The following SRGAP1 variants were observed in gnomAD, a reference collection of about 807,000 sequenced individuals.
The protein encoded by SRGAP1 is SLIT-ROBO Rho GTPase-activating protein 1.
In SRGAP1, 43 loss-of-function variants were observed where a neutral mutation model predicts 121.9. The ratio of observed to expected loss-of-function variants is 0.35; its 90% CI spans 0.28 to 0.46. SRGAP1 has a LOEUF of 0.46. SRGAP1 is among the 20% of genes least tolerant of loss of function. The pLI, the probability that SRGAP1 is intolerant of heterozygous loss-of-function variation, is 1.00. For missense variants in SRGAP1, 1,102 were observed against 1,350.9 expected (o/e 0.82, Z 2.89); for synonymous variants, 447 against 485.4 (o/e 0.92, Z 1.04).
chr12:63,908,805 G>A (rs913367229), intron 1 of SRGAP1, among the ~76,000 whole-genome samples: 6 of 152,112 alleles, frequency 3.9e-5, no homozygotes, highest in African/African-American at 1.2e-4. Flanking sequence ...TTAGCATATA[G>A]AAATAGAGTC....
At chr12:63,947,963 A>G (rs2032102564) in intron 1 of SRGAP1, among the ~76,000 whole-genome samples, 2 of 152,134 alleles carry the variant, frequency 1.3e-5, no homozygotes, top group East Asian at 1.9e-4. Context: ...GTTTCCTTCT[A>G]TTCTTGCTTT....
At chr12:64,020,883 C>T (rs1387465769) in intron 4 of SRGAP1, among the ~76,000 whole-genome samples, 1 of 147,492 alleles carries the variant, frequency 6.8e-6, no homozygotes, top group Non-Finnish European at 1.5e-5. Flanking sequence ...ATGATTACTT[C>T]AGCCTTGAAC....
At chr12:64,065,048 A>G in intron 7 of SRGAP1, 70 bp from the exon 8 acceptor site, 2 of 1,131,144 alleles carry the variant, frequency 1.8e-6, no homozygotes, top group Non-Finnish European at 2.6e-6. Flanking sequence ...CATCATTTAA[A>G]TAACAGAGCC....
At chr12:63,845,797 A>G (rs1033148304) in intron 1 of SRGAP1, among the ~76,000 whole-genome samples, 5 of 152,084 alleles carry the variant, frequency 3.3e-5, no homozygotes, top group East Asian at 1.9e-4. Context: ...GAGACAATGG[A>G]TGGAATGTTG....
At position 63,952,866 on chromosome 12, in the gene SRGAP1, G is replaced by T. The variant is rs182579686; in HGVS notation, c.68-31081G>T. Among the ~76,000 whole-genome samples the T allele has an allele frequency of 3.3e-4, 50 of 151,912 alleles. 1 individual carries two copies. The highest frequency in any genetic ancestry group is 1.8e-3 in the Admixed American group (28 of 15,268). ...TCACTATGTTGCCCAGGCTGTTTTC[G>T]AACTCCTGGCCTCAAGCAATCCTCC... On this transcript the variant is annotated intron_variant, in intron 1 of 21. Coordinates refer to ENST00000355086, the MANE Select transcript of SRGAP1 (RefSeq NM_020762.4).
chr12:64,138,446 C>CTTTTTTTT (rs60769104), intron 21 of SRGAP1, among the ~76,000 whole-genome samples: 7 of 78,678 alleles, frequency 8.9e-5, no homozygotes, highest in African/African-American at 2.8e-4. Flanking sequence ...AATAAATTGA[C>CTTTTTTTT]TTTTTTTTTT....
At chr12:64,098,764 A>T (rs2036210245) in intron 15 of SRGAP1, among the ~76,000 whole-genome samples, 1 of 152,220 alleles carries the variant, frequency 6.6e-6, no homozygotes, top group South Asian at 2.1e-4. Context: ...ACTGCTGCAC[A>T]GCCCTCTCCT....
At chr12:64,042,717 G>A (rs764721090) in intron 4 of SRGAP1, 73 bp from the exon 5 acceptor site, 9 of 1,216,800 alleles carry the variant, frequency 7.4e-6, no homozygotes, top group African/African-American at 3.0e-5. Context: ...CATATACGTC[G>A]TATAAATGGT....
At chr12:64,089,475 C>T (rs536756485) in intron 11 of SRGAP1, among the ~76,000 whole-genome samples, 7 of 152,184 alleles carry the variant, frequency 4.6e-5, no homozygotes, top group Non-Finnish European at 1.0e-4. Context: ...GTCTCCTGAA[C>T]GTTGGCCTCC....
chr12:63,915,847 C>T (rs930749569), intron 1 of SRGAP1, among the ~76,000 whole-genome samples: 1 of 152,116 alleles, frequency 6.6e-6, no homozygotes, highest in Admixed American at 6.5e-5. Context: ...TTTGAGCAGC[C>T]TTTCACTAAC....
intron 21 of SRGAP1, among the ~76,000 whole-genome samples, chr12:64,142,028 G>A (rs1451104027): frequency 6.6e-6 from 1 of 152,176 alleles, no homozygotes; most frequent in Non-Finnish European, 1.5e-5. Flanking sequence ...ATGCAAGGCA[G>A]AGACCATTAG....
rs540724050 is a variant in SRGAP1, at chr12:63,982,056, A to G, written c.68-1891A>G. Among the ~76,000 whole-genome samples, 3 of 152,180 alleles carry G rather than the reference A, an allele frequency of 2.0e-5. No individual in the cohort carries two copies. In the South Asian group the frequency reaches 6.2e-4, roughly 32 times the overall value. ...GTGAAACCCCGTCTCTACTAAAAAT[A>G]TAAAAAATTAGCCAGGCATGGTGGC... On this transcript the variant is annotated intron_variant, in intron 1 of 21. Transcript: ENST00000355086.
At chr12:64,044,898 T>C (rs995030954) in intron 6 of SRGAP1, among the ~76,000 whole-genome samples, 4 of 152,096 alleles carry the variant, frequency 2.6e-5, no homozygotes, top group Admixed American at 1.3e-4. Context: ...CAGGCCAATG[T>C]TGAACTCCTA....
chr12:64,042,117 G>A (rs916409860), intron 4 of SRGAP1, among the ~76,000 whole-genome samples: 8 of 151,822 alleles, frequency 5.3e-5, no homozygotes, highest in African/African-American at 1.2e-4. Context: ...GGCTAGTCTC[G>A]AATTCCTGAC....
intron 1 of SRGAP1, among the ~76,000 whole-genome samples, chr12:63,852,954 T>C (rs1899122685): frequency 6.6e-6 from 1 of 151,862 alleles, no homozygotes; most frequent in Non-Finnish European, 1.5e-5. Flanking sequence ...AATAATTCCT[T>C]TATACTGCAA....
chr12:64,101,308 G>GGT (rs59020353), intron 15 of SRGAP1, among the ~76,000 whole-genome samples: 26,043 of 137,842 alleles, frequency 0.19, 2,665 homozygotes, highest in East Asian at 0.37. Context: ...TGGGGAAAGG[G>GGT]GTGTGTGTGT....
chr12:64,141,057 G>T (rs2036949694), intron 21 of SRGAP1, among the ~76,000 whole-genome samples: 2 of 135,968 alleles, frequency 1.5e-5, no homozygotes, highest in Non-Finnish European at 3.1e-5. Flanking sequence ...TCACTCATAG[G>T]TGGGAATTGA....
Position 63,844,946 on chromosome 12 carries a change from T to C in SRGAP1, c.67+63T>C, listed in dbSNP as rs73124639. On this transcript the variant is annotated intron_variant, in intron 1 of 21. Transcript: ENST00000355086. The surrounding 1 kb of genome is among the most constrained non-coding windows in gnomAD (Gnocchi z 4.3). ...CCTTCTTGTCATTGTGCTCGTGGAG[T>C]TGCGTATCTAACTTGGTGTCTGCGT... is the stretch of plus-strand genomic sequence containing the variant. 62,387 of 1,511,238 alleles carry C rather than the reference T, an allele frequency of 0.041. 1,583 individuals carry two copies. The highest frequency in any genetic ancestry group is 0.044 in the Non-Finnish European group (48,167 of 1,086,604). 93.6% of individuals were successfully genotyped at this position (1,511,238 alleles called of 1,614,324 possible).
At chr12:63,997,402 G>A (rs143375464) in intron 3 of SRGAP1, among the ~76,000 whole-genome samples, 2 of 152,138 alleles carry the variant, frequency 1.3e-5, no homozygotes, top group African/African-American at 4.8e-5. Context: ...GCATTCCTTA[G>A]AATATGTCTC....
Sources: gnomAD v4.1 joint callset for allele counts (sites outside exome capture counted in the v4.1 genomes callset) on GRCh38, gnomAD v4.1.1 for gene constraint, Gnocchi (gnomAD v3.1) non-coding constraint, MANE v1.5 for transcripts, NCBI Gene and HGNC (gene_info 2026-07-23, HGNC 2026-07-21) for gene names.